Variants in EYA1 observed in about 807,000 individuals in gnomAD.
The protein encoded by EYA1 is EYA transcriptional coactivator and phosphatase 1, also known as protein phosphatase EYA1.
Under a neutral mutation model 82.0 loss-of-function variants are expected in EYA1, and 16 were observed. The ratio of observed to expected loss-of-function variants is 0.20; its 90% CI spans 0.13 to 0.30. EYA1 has a LOEUF of 0.30. EYA1 is among the 10% of genes least tolerant of loss of function. The pLI is 1.00. For missense variants in EYA1, 633 were observed against 730.7 expected, an observed-to-expected ratio of 0.87 and a Z score of 1.54; for synonymous variants, 261 against 264.4, an observed-to-expected ratio of 0.99 and a Z score of 0.12.
At chr8:71,338,430 C>T (rs567111090) in intron 3 of EYA1, among the ~76,000 whole-genome samples, 1 of 152,254 alleles carries the variant, frequency 6.6e-6, no homozygotes, top group Admixed American at 6.5e-5. Flanking sequence ...TTAGGGGAGG[C>T]TGGCCCATAA....
intron 2 of EYA1, among the ~76,000 whole-genome samples, chr8:71,374,056 C>T (rs974072750): frequency 3.3e-5 from 5 of 152,086 alleles, no homozygotes; most frequent in Non-Finnish European, 7.4e-5. Flanking sequence ...AGGGGAAAAA[C>T]TCCTTGACTT....
chr8:71,489,425 T>G (rs934648856), intron 2 of EYA1, among the ~76,000 whole-genome samples: 1 of 152,214 alleles, frequency 6.6e-6, no homozygotes, highest in African/African-American at 2.4e-5. Flanking sequence ...ACATAAAGAA[T>G]CAATAGATAA....
At position 71,289,229 on chromosome 8, in the gene EYA1, G is replaced by A. The variant is rs537886831; in HGVS notation, c.826+9818C>T. ...AAGTAGGATACAGGGGAAGCACGGA[G>A]TGAACTGATTCAGGAAGTGGAAAAT... On this transcript the variant is annotated intron_variant, in intron 9 of 17. Transcript: ENST00000340726. Among the ~76,000 whole-genome samples, 34 of 152,334 alleles carry A rather than the reference G, an allele frequency of 2.2e-4. 1 individual carries two copies. In the South Asian group the frequency reaches 6.0e-3, roughly 27 times the overall value.
At position 71,238,900 on chromosome 8, in the gene EYA1, TG is replaced by T. The variant is rs1439537567; in HGVS notation, c.1140+5702del. Among the ~76,000 whole-genome samples, 10 of 152,090 alleles carry T rather than the reference TG, an allele frequency of 6.6e-5. No homozygotes were observed. The East Asian group carries it at 1.7e-3, about 26-fold the overall frequency. ...TGACAGTTTGCTTCCAGTATTTTAC[TG>T]CTAAGTACAATGTTTGCTATCAGTA... is the stretch of plus-strand genomic sequence containing the variant. On this transcript the variant is annotated intron_variant, in intron 12 of 17. Transcript: ENST00000340726.
intron 9 of EYA1, among the ~76,000 whole-genome samples, chr8:71,279,789 T>C (rs1393520201): frequency 2.6e-5 from 4 of 152,226 alleles, no homozygotes; most frequent in African/African-American, 9.6e-5. Flanking sequence ...CACAGGTATA[T>C]GATGGGGCAC....
chr8:71,427,913 G>A (rs774045732), intron 2 of EYA1, among the ~76,000 whole-genome samples: 18 of 151,704 alleles, frequency 1.2e-4, no homozygotes, highest in Non-Finnish European at 2.2e-4. Flanking sequence ...CTGGGAGGTC[G>A]AGGCTGCAGT....
intron 2 of EYA1, among the ~76,000 whole-genome samples, chr8:71,518,431 T>C (rs1813142869): frequency 6.6e-6 from 1 of 152,150 alleles, no homozygotes; most frequent in Admixed American, 6.6e-5. Context: ...AAACAAGAAC[T>C]TGAAGACGAT....
chr8:71,403,993 A>T (rs1377030672), intron 2 of EYA1: 1 of 152,250 alleles, frequency 6.6e-6, no homozygotes, highest in African/African-American at 2.4e-5. Context: ...CATTAAGGAC[A>T]TTTAAAAAAT....
intron 9 of EYA1, among the ~76,000 whole-genome samples, chr8:71,277,318 T>A (rs540353416): frequency 6.6e-6 from 1 of 151,856 alleles, no homozygotes; most frequent in South Asian, 2.1e-4. Context: ...GCTAATTTTT[T>A]TAAAAAATCT....
chr8:71,392,647 T>C (rs1829346748), intron 2 of EYA1, among the ~76,000 whole-genome samples: 1 of 152,222 alleles, frequency 6.6e-6, no homozygotes, highest in Non-Finnish European at 1.5e-5. Flanking sequence ...CATTCTCACC[T>C]GCTGTATAAT....
intron 2 of EYA1, among the ~76,000 whole-genome samples, chr8:71,454,591 A>G (rs1473689237): frequency 1.3e-5 from 2 of 152,202 alleles, no homozygotes; most frequent in African/African-American, 4.8e-5. Flanking sequence ...AGTGCAATCA[A>G]ACTAGAACTC....
At position 71,289,590 on chromosome 8, in the gene EYA1, T is replaced by G. The variant is rs535750832; in HGVS notation, c.826+9457A>C. Among the ~76,000 whole-genome samples, 3 of 152,344 alleles carry G rather than the reference T, an allele frequency of 2.0e-5. No individual in the cohort carries two copies. In the South Asian group the frequency reaches 6.2e-4, roughly 32 times the overall value. The stretch of plus-strand genomic sequence containing the variant: ...TCAAGCAGCAGCATGCTTTACTGAT[T>G]AAAAACTCAAGTTTGAAGTCAAGCT... On this transcript the variant is annotated intron_variant, in intron 9 of 17. Transcript: ENST00000340726.
chr8:71,487,221 T>A lies in EYA1; in HGVS notation c.33+48523A>T, dbSNP rs553300475. On this transcript the variant is annotated intron_variant, in intron 2 of 18. Transcript: ENST00000643681. Reference sequence around the variant, plus strand: ...CATCTCAGATGTAGCTCACATATTATTTAAGAAACAGATAAATCCCACTTT... The same window carrying A: ...CATCTCAGATGTAGCTCACATATTAATTAAGAAACAGATAAATCCCACTTT... Among the ~76,000 whole-genome samples, 7 of 152,160 alleles carry A rather than the reference T, an allele frequency of 4.6e-5. No individual in the cohort carries two copies. In the South Asian group the frequency reaches 1.5e-3, roughly 32 times the overall value.
chr8:71,532,110 T>C (rs1429632896), intron 2 of EYA1, among the ~76,000 whole-genome samples: 1 of 152,210 alleles, frequency 6.6e-6, no homozygotes, highest in Non-Finnish European at 1.5e-5. Flanking sequence ...TCAGTGTTCA[T>C]ACGATTAGCT....
At chr8:71,313,272 T>A (rs1821554760) in intron 7 of EYA1, among the ~76,000 whole-genome samples, 1 of 152,212 alleles carries the variant, frequency 6.6e-6, no homozygotes, top group African/African-American at 2.4e-5. Flanking sequence ...GCATATTAAT[T>A]ACATCTGGCT....
intron 2 of EYA1, among the ~76,000 whole-genome samples, chr8:71,381,916 A>G (rs1828727020): frequency 6.6e-6 from 1 of 152,264 alleles, no homozygotes; most frequent in Non-Finnish European, 1.5e-5. Flanking sequence ...AGCACTTTGT[A>G]TACACACATG....
At chr8:71,318,252 G>C (rs1182207177) in intron 6 of EYA1, among the ~76,000 whole-genome samples, 4 of 152,080 alleles carry the variant, frequency 2.6e-5, no homozygotes, top group Admixed American at 6.6e-5. Context: ...ATGGTGGAAA[G>C]GCTTTTCCTG....
At chr8:71,340,968 A>G (rs1212114494) in intron 3 of EYA1, among the ~76,000 whole-genome samples, 1 of 152,218 alleles carries the variant, frequency 6.6e-6, no homozygotes, top group Non-Finnish European at 1.5e-5. Flanking sequence ...TAAAAACAAG[A>G]TGACAGTTTA....
chr8:71,534,783 G>A (rs992142868), intron 2 of EYA1, among the ~76,000 whole-genome samples: 4 of 152,048 alleles, frequency 2.6e-5, no homozygotes, highest in South Asian at 2.1e-4. Context: ...GGAATTCAGA[G>A]GATGGGTCAA....
Sources: allele counts gnomAD v4.1 joint callset (sites outside exome capture counted in the v4.1 genomes callset), GRCh38; gene constraint gnomAD v4.1.1; transcripts MANE v1.5; gene names NCBI Gene and HGNC (gene_info 2026-07-23, HGNC 2026-07-21).